FMN1: variants seen among roughly 807,000 people sequenced by gnomAD.
FMN1 encodes the protein formin 1.
A neutral mutation model predicts 132.4 loss-of-function variants in FMN1; 110 were observed. That is an observed-to-expected ratio of 0.83 (90% confidence interval 0.71 to 0.97). FMN1 has a LOEUF of 0.97. FMN1 is among the 50% of genes least tolerant of loss of function. FMN1 has a pLI of 0.00. For synonymous variants in FMN1, 722 were observed against 651.7 expected, an observed-to-expected ratio of 1.11 and a Z score of -1.64; for missense variants, 1,792 against 1,705.3, an observed-to-expected ratio of 1.05 and a Z score of -0.90.
At chr15:33,109,722 C>A (rs894419045) in intron 4 of FMN1, among the ~76,000 whole-genome samples, 1 of 151,708 alleles carries the variant, frequency 6.6e-6, no homozygotes, top group African/African-American at 2.4e-5. Flanking sequence ...GAAACAGAAA[C>A]AATATTCGAT....
intron 16 of FMN1, among the ~76,000 whole-genome samples, chr15:32,879,475 T>C (rs1051593452): frequency 1.3e-5 from 2 of 152,192 alleles, no homozygotes; most frequent in South Asian, 4.1e-4. Flanking sequence ...GCCAGACCTG[T>C]CCTAATGATC....
chr15:32,867,815 A>T (rs147591435), intron 16 of FMN1, among the ~76,000 whole-genome samples: 3 of 152,064 alleles, frequency 2.0e-5, no homozygotes, highest in Non-Finnish European at 4.4e-5. Context: ...TCCACCTTCC[A>T]TTCTGTGATG....
At chr15:33,000,206 T>C (rs1010554116) in intron 7 of FMN1, among the ~76,000 whole-genome samples, 1 of 151,956 alleles carries the variant, frequency 6.6e-6, no homozygotes, top group Non-Finnish European at 1.5e-5. Flanking sequence ...TCCCAGCACT[T>C]TGGGAGGCAG....
chr15:33,102,339 T>C (rs2039326386), intron 4 of FMN1, among the ~76,000 whole-genome samples: 6 of 152,126 alleles, frequency 3.9e-5, no homozygotes, highest in Admixed American at 3.9e-4. Flanking sequence ...GGGAGGGATG[T>C]AAATAGAGGA....
At chr15:33,088,477 G>A (rs1271950580) in intron 5 of FMN1, among the ~76,000 whole-genome samples, 1 of 152,124 alleles carries the variant, frequency 6.6e-6, no homozygotes, top group Non-Finnish European at 1.5e-5. Context: ...TTAGTAAAAG[G>A]ATATTAAGAA....
At chr15:33,070,915 G>C (rs1445324915) in intron 5 of FMN1, among the ~76,000 whole-genome samples, 1 of 152,128 alleles carries the variant, frequency 6.6e-6, no homozygotes, top group Non-Finnish European at 1.5e-5. Context: ...AAGATTAAAA[G>C]TCTTGCCAGT....
At chr15:32,881,293 T>C (rs954396035) in intron 16 of FMN1, among the ~76,000 whole-genome samples, 12 of 152,212 alleles carry the variant, frequency 7.9e-5, no homozygotes, top group Non-Finnish European at 1.3e-4. Context: ...GTAAGTCTTA[T>C]AGTAAAAGTT....
At chr15:32,983,895 T>A (rs1302312062) in intron 7 of FMN1, among the ~76,000 whole-genome samples, 1 of 152,190 alleles carries the variant, frequency 6.6e-6, no homozygotes, top group Non-Finnish European at 1.5e-5. Context: ...TCCTCTAAGA[T>A]GGTACTGCCA....
At chr15:32,954,080 TACA>T (rs1172301066) in intron 9 of FMN1, among the ~76,000 whole-genome samples, 1 of 152,150 alleles carries the variant, frequency 6.6e-6, no homozygotes. Context: ...ATACAACAAC[TACA>T]ACAACTAATA....
chr15:33,088,570 G>T (rs899197875), intron 5 of FMN1, among the ~76,000 whole-genome samples: 1 of 152,188 alleles, frequency 6.6e-6, no homozygotes, highest in African/African-American at 2.4e-5. Flanking sequence ...GAACACTCAG[G>T]TTAAATGACA....
At chr15:32,973,669 G>A (rs2031976570) in intron 7 of FMN1, among the ~76,000 whole-genome samples, 1 of 151,418 alleles carries the variant, frequency 6.6e-6, no homozygotes, top group South Asian at 2.1e-4. Context: ...CATGACCTCA[G>A]TGTGGCAGAG....
rs2056162948 is a variant in FMN1, at chr15:32,769,680, G to A, written c.*4630C>T. On this transcript the variant is annotated 3_prime_UTR_variant, in exon 21 of 21. Coordinates refer to ENST00000616417, the MANE Select transcript of FMN1 (RefSeq NM_001277313.2). Reference sequence around the variant, plus strand: ...AATATATCCAAGTTATTTGCATTTTGGAAAGGCTAAAAATTATCCACTCTT... The same window carrying A: ...AATATATCCAAGTTATTTGCATTTTAGAAAGGCTAAAAATTATCCACTCTT... The A allele has an allele frequency of 1.3e-5, 2 of 152,066 alleles. No homozygotes were observed. Among genetic ancestry groups the A allele is most frequent in the African/African-American group, 4.8e-5 (2 of 41,406 alleles). The allele number at this position is 152,066 out of a possible 1,614,324, so 9.4% of individuals were successfully genotyped here. A position where few individuals can be genotyped will look rare whatever the true frequency, so the allele number is the denominator to read the frequency against.
intron 4 of FMN1, among the ~76,000 whole-genome samples, chr15:33,110,829 T>C (rs114449453): frequency 0.01 from 1,558 of 152,252 alleles, 24 homozygotes; most frequent in African/African-American, 0.036. Context: ...TCAGTATTTT[T>C]AGTCCATTAA....
intron 19 of FMN1, among the ~76,000 whole-genome samples, chr15:32,777,909 TATATTATGTATAATATATAATAC>T (rs2056519298): frequency 5.5e-4 from 1 of 1,826 alleles, no homozygotes; most frequent in Non-Finnish European, 8.3e-3. Context: ...TAATACATTA[TATATTATGTATAATATATAATAC>T]ATTATATATT....
At chr15:33,146,937 G>A (rs933118936) in intron 4 of FMN1, among the ~76,000 whole-genome samples, 1 of 152,096 alleles carries the variant, frequency 6.6e-6, no homozygotes, top group Non-Finnish European at 1.5e-5. Flanking sequence ...AACTTTGGAA[G>A]GTCGAGGCGG....
At chr15:32,809,518 CGTGGGACTCATGGCTGGT>C (rs1426981267) in intron 17 of FMN1, among the ~76,000 whole-genome samples, 3 of 152,174 alleles carry the variant, frequency 2.0e-5, no homozygotes, top group African/African-American at 7.2e-5. Flanking sequence ...GCTCCTGCTG[CGTGGGACTCATGGCTGGT>C]CTCTGGACTT....
chr15:32,936,657 A>ACTTGACATACTCTAGATGTTTG (rs2061278854), intron 9 of FMN1, among the ~76,000 whole-genome samples: 1 of 151,934 alleles, frequency 6.6e-6, no homozygotes, highest in Non-Finnish European at 1.5e-5. Flanking sequence ...GGGGAGTGGG[A>ACTTGACATACTCTAGATGTTTG]GGAAGAGGAG....
intron 6 of FMN1, among the ~76,000 whole-genome samples, chr15:33,057,521 G>T (rs1353182936): frequency 1.3e-5 from 2 of 152,204 alleles, no homozygotes; most frequent in Non-Finnish European, 2.9e-5. Flanking sequence ...AGACAAGGAT[G>T]AAAATCCAAA....
intron 4 of FMN1, chr15:33,151,358 T>A (rs1425844990): frequency 6.5e-7 from 1 of 1,536,746 alleles, no homozygotes; most frequent in Non-Finnish European, 8.7e-7. Context: ...CTGAAAGTGC[T>A]GCTGAAGATC....
Sources: allele counts gnomAD v4.1 joint callset (sites outside exome capture counted in the v4.1 genomes callset), GRCh38; gene constraint gnomAD v4.1.1; transcripts MANE v1.5; gene names NCBI Gene and HGNC (gene_info 2026-07-23, HGNC 2026-07-21).